NFIX: variants seen among roughly 807,000 people sequenced by gnomAD.
NFIX encodes the protein nuclear factor 1 X-type.
In NFIX, 2 loss-of-function variants were observed where a neutral mutation model predicts 53.3. That is an observed-to-expected ratio of 0.04 (90% CI 0.02 to 0.12). The LOEUF is 0.12. Among genes scored for constraint, NFIX ranks in the 10% least tolerant of loss-of-function variants. The pLI is 1.00. For synonymous variants in NFIX, 244 were observed against 289.0 expected (o/e 0.84, Z 1.58); for missense variants, 310 against 674.5 (o/e 0.46, Z 5.99).
In NFIX at chr19:13,051,251, C is replaced by T. The variant is rs562876385; in HGVS notation, c.560-21796C>T. Among the ~76,000 whole-genome samples the T allele has an allele frequency of 6.6e-6, 1 of 152,328 alleles. No individual in the cohort carries two copies. The highest frequency in any genetic ancestry group is 2.1e-4 in the South Asian group (1 of 4,830). On this transcript the variant is annotated intron_variant, in intron 2 of 10. Coordinates refer to ENST00000592199, the MANE Select transcript of NFIX (RefSeq NM_001365902.3). The surrounding 1 kb of genome is among the most constrained non-coding windows in gnomAD (Gnocchi z 5.1). The stretch of plus-strand genomic sequence containing the variant: ...GGGCCAGAGGGCTCTAAATGAGTCA[C>T]TCAGCTCTGGCTTTGCCAGGTGGCC...
At chr19:13,087,963 C>T in intron 8 of NFIX, 26 bp from the exon 9 acceptor site, 1 of 1,535,822 alleles carries the variant, frequency 6.5e-7, no homozygotes, top group Non-Finnish European at 8.7e-7. Flanking sequence ...TGCCTTCATG[C>T]GTCACTCTAT....
chr19:13,067,377 C>T lies in NFIX; in HGVS notation c.560-5670C>T, dbSNP rs1437395267. On this transcript the variant is annotated intron_variant, in intron 2 of 10. Transcript: ENST00000592199. This position sits in a 1 kb window ranked among gnomAD's most constrained non-coding sequence, Gnocchi z 4.2. ...GTTCCTGCAGAGTTGAAGGGGATTC[C>T]TCTCTGGTGGCTCCAGATGTACCAT... Among the ~76,000 whole-genome samples, 1 of 152,162 alleles carries T rather than the reference C, an allele frequency of 6.6e-6. No homozygotes were observed.
chr19:13,017,971 G>C (rs1396582713), intron 1 of NFIX, among the ~76,000 whole-genome samples: 1 of 152,126 alleles, frequency 6.6e-6, no homozygotes, highest in Non-Finnish European at 1.5e-5. Context: ...TGTCCTTCAC[G>C]CACTTCGGAA....
chr19:13,074,094 C>G, intron 5 of NFIX, 68 bp downstream of exon 5: 2 of 1,591,348 alleles, frequency 1.3e-6, no homozygotes, highest in South Asian at 1.1e-5. Flanking sequence ...GTCCCAGTGG[C>G]TATAGTCAGC....
rs553372095 is a variant in NFIX, at chr19:13,049,055, C to T, written c.559+23503C>T. ...TCGCGTCACTGTACCCCAGCCTGGG[C>T]GACAGAGCAAGACTCTGTCTAAAAA... On this transcript the variant is annotated intron_variant, in intron 2 of 10. Coordinates refer to ENST00000592199, the MANE Select transcript of NFIX (RefSeq NM_001365902.3). This position sits in a 1 kb window ranked among gnomAD's most constrained non-coding sequence, Gnocchi z 4.5. 3.9e-5 allele frequency among the ~76,000 whole-genome samples: 6 copies of T among 151,938 alleles called. No individual in the cohort carries two copies. The highest frequency in any genetic ancestry group is 2.1e-4 in the South Asian group (1 of 4,798).
At chr19:13,084,912 A>C (rs2017682337) in intron 8 of NFIX, among the ~76,000 whole-genome samples, 1 of 152,032 alleles carries the variant, frequency 6.6e-6, no homozygotes, top group Non-Finnish European at 1.5e-5. Context: ...TCTACTAAAA[A>C]TACAAAAATT....
At chr19:13,039,220 ACC>A (rs766690895) in intron 2 of NFIX, among the ~76,000 whole-genome samples, 4 of 135,644 alleles carry the variant, frequency 2.9e-5, no homozygotes, top group South Asian at 2.2e-4. Context: ...TAAATTAAAC[ACC>A]CCCCCCCACA....
At chr19:13,055,411 C>T (rs1399100420) in intron 2 of NFIX, among the ~76,000 whole-genome samples, 1 of 152,224 alleles carries the variant, frequency 6.6e-6, no homozygotes, top group Non-Finnish European at 1.5e-5. Flanking sequence ...GGGGGCCCCG[C>T]CAGGGAGGGC....
chr19:13,014,673 AT>A lies in NFIX; in HGVS notation c.28-10347del, dbSNP rs1309084788. ...CCGTCTTGGCAACCCTGTGCCCTTG[AT>A]AGAAGAGAGAGCTGCCCACTTGGGC... On this transcript the variant is annotated intron_variant, in intron 1 of 10. Transcript: ENST00000592199. This position sits in a 1 kb window ranked among gnomAD's most constrained non-coding sequence, Gnocchi z 4.4. Among the ~76,000 whole-genome samples the A allele has an allele frequency of 6.6e-6, 1 of 152,248 alleles. No homozygotes were observed. Among genetic ancestry groups the A allele is most frequent in the African/African-American group, 2.4e-5 (1 of 41,470 alleles).
intron 10 of NFIX, among the ~76,000 whole-genome samples, chr19:13,092,488 G>C (rs1214696338): frequency 6.6e-6 from 1 of 152,228 alleles, no homozygotes; most frequent in Non-Finnish European, 1.5e-5. Context: ...GTCCCCAACT[G>C]TACAGCTCAG....
Position 13,095,689 on chromosome 19 carries a change from G to C in NFIX, c.*1040G>C, listed in dbSNP as rs1423088652. The C allele has an allele frequency of 1.3e-5, 2 of 152,414 alleles. No individual in the cohort carries two copies. Among genetic ancestry groups the C allele is most frequent in the Non-Finnish European group, 2.9e-5 (2 of 68,134 alleles). 9.4% of individuals were successfully genotyped at this position (152,414 alleles called of 1,614,324 possible). A position where few individuals can be genotyped will look rare whatever the true frequency, so the allele number is the denominator to read the frequency against. On this transcript the variant is annotated 3_prime_UTR_variant, in exon 11 of 11. Transcript: ENST00000592199. The stretch of plus-strand genomic sequence containing the variant: ...CCCCGGAGCCGAGCGAGGAGGACCA[G>C]GCAGCCGCCGCTGCCGCGCTAAGCC...
intron 1 of NFIX, among the ~76,000 whole-genome samples, chr19:12,997,408 T>C (rs961532492): frequency 3.3e-5 from 5 of 152,180 alleles, no homozygotes; most frequent in Admixed American, 2.6e-4. Flanking sequence ...AAGTACGTGT[T>C]GGCGAGGGCG....
At chr19:13,035,079 A>G (rs1021524035) in intron 2 of NFIX, among the ~76,000 whole-genome samples, 1 of 152,200 alleles carries the variant, frequency 6.6e-6, no homozygotes, top group African/African-American at 2.4e-5. Flanking sequence ...GACATTTCTA[A>G]GAGTTCCCTG....
chr19:13,058,325 G>C (rs533173446), intron 2 of NFIX, among the ~76,000 whole-genome samples: 151 of 152,204 alleles, frequency 9.9e-4, no homozygotes, highest in South Asian at 3.5e-3. Flanking sequence ...ACCTCGGTAG[G>C]CATGACCTGA....
intron 1 of NFIX, 161 bp from the exon 2 acceptor site, chr19:13,024,860 G>A: frequency 7.6e-7 from 1 of 1,313,632 alleles, no homozygotes; most frequent in Non-Finnish European, 1.0e-6. Flanking sequence ...TAGAACAATC[G>A]CAAGAGAAAA....
At chr19:13,000,663 A>G (rs957002685) in intron 1 of NFIX, among the ~76,000 whole-genome samples, 1 of 152,118 alleles carries the variant, frequency 6.6e-6, no homozygotes, top group African/African-American at 2.4e-5. Context: ...GCACGCATTC[A>G]TCCAAATGTA....
At chr19:13,085,071 A>G (rs982179461) in intron 8 of NFIX, among the ~76,000 whole-genome samples, 4 of 143,120 alleles carry the variant, frequency 2.8e-5, no homozygotes, top group African/African-American at 1.0e-4. Context: ...CTCCATCTCA[A>G]AAAAAAAAAA....
chr19:12,998,802 C>T lies in NFIX; in HGVS notation c.27+2938C>T, dbSNP rs2011564257. 6.6e-6 allele frequency among the ~76,000 whole-genome samples: 1 copy of T among 152,202 alleles called. No homozygotes were observed. Among genetic ancestry groups the T allele is most frequent in the African/African-American group, 2.4e-5 (1 of 41,434 alleles). On this transcript the variant is annotated intron_variant, in intron 1 of 10. Coordinates refer to ENST00000592199, the MANE Select transcript of NFIX (RefSeq NM_001365902.3). This position sits in a 1 kb window ranked among gnomAD's most constrained non-coding sequence, Gnocchi z 4.4. The stretch of plus-strand genomic sequence containing the variant: ...ACACTGTCACACACACCCATTAACA[C>T]ACACGCACCTCTTGAAATGGGACAC...
intron 1 of NFIX, among the ~76,000 whole-genome samples, chr19:13,008,640 A>G (rs889690270): frequency 2.6e-5 from 4 of 152,060 alleles, no homozygotes; most frequent in Non-Finnish European, 4.4e-5. Flanking sequence ...GGCCCTGCCC[A>G]GGCCTGGAGC....
Sources: allele counts gnomAD v4.1 joint callset (sites outside exome capture counted in the v4.1 genomes callset), GRCh38; gene constraint gnomAD v4.1.1; non-coding constraint Gnocchi (gnomAD v3.1); transcripts MANE v1.5; gene names NCBI Gene and HGNC (gene_info 2026-07-23, HGNC 2026-07-21).